The following SHOC2 variants were observed in gnomAD, a reference collection of about 807,000 sequenced individuals.
SHOC2 encodes leucine-rich repeat protein SHOC-2.
In SHOC2, 4 loss-of-function variants were observed where a neutral mutation model predicts 50.2. The observed-to-expected ratio is 0.08, with a 90% confidence interval of 0.04 to 0.18. The LOEUF is 0.18. Among genes scored for constraint, SHOC2 ranks in the 10% least tolerant of loss-of-function variants. SHOC2 has a pLI of 1.00. For synonymous variants in SHOC2, 218 were observed against 244.5 expected (o/e 0.89, Z 1.01); for missense variants, 388 against 669.6 (o/e 0.58, Z 4.64).
chr10:110,940,747 TGAG>T (rs1024941960), intron 1 of SHOC2, among the ~76,000 whole-genome samples: 1 of 152,140 alleles, frequency 6.6e-6, no homozygotes, highest in Non-Finnish European at 1.5e-5. Context: ...TTTAACAAAT[TGAG>T]GAACTGTCAC....
At position 110,964,726 on chromosome 10, in the gene SHOC2, C is replaced by A; in HGVS notation, c.368C>A (p.Thr123Asn). 6.2e-7 allele frequency: 1 copy of A among 1,614,088 alleles called. No individual in the cohort carries two copies. The highest frequency in any genetic ancestry group is 8.5e-7 in the Non-Finnish European group (1 of 1,179,966). ...TTGCCATCATCAATCAAAGAGTTGACTCAATTAACAGAACTTTATTTATAC... is the reference window on the plus strand; with the variant it reads ...TTGCCATCATCAATCAAAGAGTTGAATCAATTAACAGAACTTTATTTATAC... The part of the protein sequence containing the change: ...HILPSSIKEL[T>N]QLTELYLYSN... The change falls in exon 2 of 9, where the codon ACT becomes AAT. Residue 123 changes from threonine (T) to asparagine (N), a missense_variant. By Grantham distance (65) the Thr-to-Asn change is moderately conservative. Transcript: ENST00000369452. The surrounding 1 kb of genome is among the most constrained non-coding windows in gnomAD (Gnocchi z 4.9).
intron 4 of SHOC2, among the ~76,000 whole-genome samples, chr10:111,003,628 G>C (rs1434657277): frequency 6.6e-6 from 1 of 152,108 alleles, no homozygotes; most frequent in Non-Finnish European, 1.5e-5. Flanking sequence ...ATAGAGTCAG[G>C]ATTCAAAACA....
chr10:110,972,970 A>G (rs1847810809), intron 2 of SHOC2, among the ~76,000 whole-genome samples: 1 of 152,210 alleles, frequency 6.6e-6, no homozygotes, highest in Non-Finnish European at 1.5e-5. Context: ...TACCGTAAAG[A>G]CAGCATGTTA....
In SHOC2 at chr10:110,935,693, T is replaced by A. The variant is rs181601735; in HGVS notation, c.-235+16036T>A. ...TTTATATTTATTATATCATTATGGTTATAGCCTCATCTTTTATAGCTAATG... is the reference window on the plus strand; with the variant it reads ...TTTATATTTATTATATCATTATGGTAATAGCCTCATCTTTTATAGCTAATG... On this transcript the variant is annotated intron_variant, in intron 1 of 8. Transcript: ENST00000369452. 2.0e-5 allele frequency among the ~76,000 whole-genome samples: 3 copies of A among 152,324 alleles called. 1 individual carries two copies. In the East Asian group the frequency reaches 5.8e-4, roughly 29 times the overall value.
intron 8 of SHOC2, among the ~76,000 whole-genome samples, chr10:111,011,165 T>C (rs1848559796): frequency 6.6e-6 from 1 of 152,172 alleles, no homozygotes; most frequent in Non-Finnish European, 1.5e-5. Flanking sequence ...ACATAAGAAA[T>C]TTATTAATTT....
At chr10:110,940,931 T>TGG (rs1564705810) in intron 1 of SHOC2, among the ~76,000 whole-genome samples, 3 of 82,012 alleles carry the variant, frequency 3.7e-5, no homozygotes, top group South Asian at 4.5e-4. Flanking sequence ...TTTTTTTTTT[T>TGG]TTTTTTTTTT....
chr10:110,987,920 C>G (rs1848111302), intron 3 of SHOC2, among the ~76,000 whole-genome samples: 8 of 151,870 alleles, frequency 5.3e-5, no homozygotes, highest in Admixed American at 5.2e-4. Flanking sequence ...TTAAAAGTCC[C>G]CTAGAATCTA....
rs1228675219 is a variant in SHOC2, at chr10:110,956,170, A to G, written c.-234-7955A>G. Among the ~76,000 whole-genome samples the G allele has an allele frequency of 2.6e-5, 4 of 151,728 alleles. No homozygotes were observed. In the East Asian group the frequency reaches 5.8e-4, roughly 22 times the overall value. On this transcript the variant is annotated intron_variant, in intron 1 of 8. Transcript: ENST00000369452. The stretch of plus-strand genomic sequence containing the variant: ...GCCTGAAATGACTCCTGTGGATCCA[A>G]CAGGTTTTTTACATTTCATGTCTTT...
chr10:110,964,682 C>T lies in SHOC2; in HGVS notation c.324C>T (p.Ser108=). ...AGAATTCAATGCGTTTGGACTTATC[C>T]AAGAGATCTATACACATATTGCCAT... The part of the protein sequence containing the change: ...REENSMRLDL[S]KRSIHILPSS... The change falls in exon 2 of 9, where the codon TCC becomes TCT. Residue 108 remains serine (S), a synonymous_variant. Coordinates refer to ENST00000369452, the MANE Select transcript of SHOC2 (RefSeq NM_007373.4). The surrounding 1 kb of genome is among the most constrained non-coding windows in gnomAD (Gnocchi z 4.9). 2 of 1,613,992 alleles carry T rather than the reference C, an allele frequency of 1.2e-6. 1 individual carries two copies. Among genetic ancestry groups the T allele is most frequent in the Middle Eastern group, 3.3e-4 (2 of 6,060 alleles).
intron 2 of SHOC2, among the ~76,000 whole-genome samples, chr10:110,980,645 A>T (rs537297104): frequency 1.3e-5 from 2 of 152,138 alleles, no homozygotes; most frequent in Non-Finnish European, 2.9e-5. Flanking sequence ...GTTTGCTTCA[A>T]AACTTTAAAT....
chr10:110,937,212 C>T (rs1052544212), intron 1 of SHOC2: 1 of 1,445,530 alleles, frequency 6.9e-7, no homozygotes, highest in South Asian at 1.1e-5. Context: ...CCATCAAGCA[C>T]CAGGACCTGC....
At chr10:111,007,376 G>A (rs1430606978) in intron 5 of SHOC2, among the ~76,000 whole-genome samples, 155 bp from the exon 6 acceptor site, 1 of 152,066 alleles carries the variant, frequency 6.6e-6, no homozygotes, top group Non-Finnish European at 1.5e-5. Context: ...GAGGCTTAGA[G>A]TTTTCTGTTG....
intron 2 of SHOC2, among the ~76,000 whole-genome samples, chr10:110,974,120 C>A (rs1847833260): frequency 6.6e-6 from 1 of 151,648 alleles, no homozygotes; most frequent in Admixed American, 6.6e-5. Flanking sequence ...GGCCTTTATT[C>A]TTTCATTATA....
At chr10:110,940,089 TAGC>T (rs756566997) in intron 1 of SHOC2, among the ~76,000 whole-genome samples, 4 of 152,348 alleles carry the variant, frequency 2.6e-5, no homozygotes, top group Non-Finnish European at 4.4e-5. Flanking sequence ...CTCTTTTAAA[TAGC>T]AGAATGATAA....
At position 110,933,134 on chromosome 10, in the gene SHOC2, G is replaced by C. The variant is rs1846927936; in HGVS notation, c.-235+13477G>C. Among the ~76,000 whole-genome samples the C allele has an allele frequency of 2.0e-5, 3 of 151,878 alleles. No homozygotes were observed. The South Asian group carries it at 6.2e-4, about 32-fold the overall frequency. On this transcript the variant is annotated intron_variant, in intron 1 of 8. Transcript: ENST00000369452. ...TTTATGCATTCAGATTTTCTTTGTA[G>C]GTAAAGTTTTAATTGGCTTTATTAG...
chr10:110,951,722 A>G (rs1194140165), intron 1 of SHOC2: 1 of 152,152 alleles, frequency 6.6e-6, no homozygotes, highest in East Asian at 1.9e-4. Context: ...TATTGGTGAC[A>G]TGATCTGATC....
intron 1 of SHOC2, among the ~76,000 whole-genome samples, chr10:110,958,809 C>G (rs1373663901): frequency 1.3e-5 from 2 of 151,876 alleles, no homozygotes; most frequent in East Asian, 3.8e-4. Flanking sequence ...TACCCTGAAT[C>G]CCTTCCTTCT....
intron 1 of SHOC2, among the ~76,000 whole-genome samples, chr10:110,950,502 C>T (rs1487909246): frequency 6.6e-6 from 1 of 152,120 alleles, no homozygotes; most frequent in African/African-American, 2.4e-5. Flanking sequence ...TGATATTTTA[C>T]ACAGAAATAG....
At chr10:110,951,179 TG>T (rs1847344657) in intron 1 of SHOC2, among the ~76,000 whole-genome samples, 1 of 152,146 alleles carries the variant, frequency 6.6e-6, no homozygotes, top group Non-Finnish European at 1.5e-5. Flanking sequence ...AAGAACTCAA[TG>T]ATACAAAAAC....
Sources: gnomAD v4.1 joint callset for allele counts (sites outside exome capture counted in the v4.1 genomes callset) on GRCh38, gnomAD v4.1.1 for gene constraint, Gnocchi (gnomAD v3.1) non-coding constraint, MANE v1.5 for transcripts, NCBI Gene and HGNC (gene_info 2026-07-23, HGNC 2026-07-21) for gene names.